PLEKHG1: variants seen among roughly 807,000 people sequenced by gnomAD.
PLEKHG1 encodes the protein pleckstrin homology and RhoGEF domain containing G1, also known as pleckstrin homology domain-containing family G member 1.
A neutral mutation model predicts 100.8 loss-of-function variants in PLEKHG1; 44 were observed. That is an observed-to-expected ratio of 0.44 (90% confidence interval 0.34 to 0.56). PLEKHG1 has a LOEUF of 0.56. Ranked by LOEUF, PLEKHG1 falls within the 20% of genes least tolerant of loss-of-function variation. The pLI, the probability that PLEKHG1 is intolerant of heterozygous loss-of-function variation, is 0.01. For missense variants in PLEKHG1, 1,545 were observed against 1,720.9 expected (o/e 0.90, Z 1.81); for synonymous variants, 640 against 662.5 (o/e 0.97, Z 0.52).
At chr6:150,716,047 G>T (rs1781421918) in intron 3 of PLEKHG1, among the ~76,000 whole-genome samples, 2 of 148,778 alleles carry the variant, frequency 1.3e-5, no homozygotes, top group Admixed American at 1.3e-4. Flanking sequence ...GGCGGAGCTT[G>T]CAGTGAGCCG....
intron 3 of PLEKHG1, among the ~76,000 whole-genome samples, chr6:150,773,110 AT>A (rs975622480): frequency 2.6e-5 from 4 of 151,840 alleles, no homozygotes; most frequent in African/African-American, 7.3e-5. Context: ...AATATACTCT[AT>A]TTTTTTCTAA....
intron 2 of PLEKHG1, among the ~76,000 whole-genome samples, chr6:150,740,423 A>T (rs1172821076): frequency 6.6e-6 from 1 of 152,206 alleles, no homozygotes; most frequent in Non-Finnish European, 1.5e-5. Context: ...CAGGTTTTGC[A>T]CCAAGAAAGA....
intron 2 of PLEKHG1, among the ~76,000 whole-genome samples, chr6:150,646,667 C>T (rs1216658066): frequency 6.6e-6 from 1 of 152,090 alleles, no homozygotes; most frequent in Non-Finnish European, 1.5e-5. Flanking sequence ...TGTAGAGTCA[C>T]AGGTTACCTA....
intron 14 of PLEKHG1, among the ~76,000 whole-genome samples, chr6:150,824,037 C>T (rs1193969672): frequency 6.6e-6 from 1 of 152,228 alleles, no homozygotes; most frequent in Admixed American, 6.5e-5. Flanking sequence ...ACCAATGCCC[C>T]TGCCTCCTGG....
chr6:150,736,694 G>A (rs1782579197), intron 2 of PLEKHG1, among the ~76,000 whole-genome samples: 1 of 152,102 alleles, frequency 6.6e-6, no homozygotes, highest in Non-Finnish European at 1.5e-5. Context: ...GCTTGAACCT[G>A]GGAGGCGAAG....
intron 1 of PLEKHG1, among the ~76,000 whole-genome samples, chr6:150,620,050 C>T (rs560802411): frequency 2.6e-5 from 4 of 152,254 alleles, no homozygotes; most frequent in African/African-American, 9.6e-5. Flanking sequence ...TATGTATTAT[C>T]GTTTATTTGG....
exon 16 of PLEKHG1, chr6:150,840,449 C>A (rs751442256): frequency 6.2e-7 from 1 of 1,614,172 alleles, no homozygotes; most frequent in East Asian, 2.2e-5. Flanking sequence ...CTGAAAAACT[C>A]TCAGATCTCA....
At chr6:150,801,844 G>T (rs1786734602) in intron 6 of PLEKHG1, among the ~76,000 whole-genome samples, 1 of 145,572 alleles carries the variant, frequency 6.9e-6, no homozygotes, top group African/African-American at 2.8e-5. Flanking sequence ...TACTTTTGTA[G>T]CAGGAGAAAG....
intron 3 of PLEKHG1, among the ~76,000 whole-genome samples, chr6:150,704,858 G>A (rs937942429): frequency 1.3e-5 from 2 of 152,234 alleles, no homozygotes; most frequent in Non-Finnish European, 2.9e-5. Flanking sequence ...CTGGCTTACA[G>A]ACGGCTGCCT....
intron 1 of PLEKHG1, among the ~76,000 whole-genome samples, chr6:150,602,632 C>T (rs1235222082): frequency 2.6e-5 from 4 of 152,214 alleles, no homozygotes; most frequent in Non-Finnish European, 2.9e-5. Context: ...TGAAATGATT[C>T]GTATCAGTGT....
In PLEKHG1 at chr6:150,804,385, C is replaced by T. The variant is rs147144495; in HGVS notation, c.781-225C>T. Among the ~76,000 whole-genome samples the T allele has an allele frequency of 3.7e-3, 551 of 149,988 alleles. 7 individuals carry two copies. The highest frequency in any genetic ancestry group is 0.013 in the African/African-American group (536 of 40,886). ...ATTTTTAGGAGAGACAGGGTTTCAC[C>T]ATGTTGGCCAGACTGGTCTCGAACT... On this transcript the variant is annotated intron_variant, in intron 6 of 15. Coordinates refer to ENST00000358517, the Ensembl canonical transcript of PLEKHG1.
intron 15 of PLEKHG1, among the ~76,000 whole-genome samples, chr6:150,839,009 AGCCAGGAG>A (rs1274488558): frequency 2.6e-5 from 4 of 152,248 alleles, no homozygotes; most frequent in African/African-American, 9.6e-5. Context: ...GCGCAGCAAC[AGCCAGGAG>A]CTGACTCCTC....
intron 3 of PLEKHG1, chr6:150,651,797 T>TG (rs1297811813): frequency 3.3e-5 from 5 of 152,076 alleles, no homozygotes; most frequent in Non-Finnish European, 7.4e-5. Context: ...CGGCAGACGT[T>TG]GCAGTGAGCG....
intron 3 of PLEKHG1, among the ~76,000 whole-genome samples, chr6:150,712,504 C>T (rs1781276503): frequency 6.6e-6 from 1 of 152,184 alleles, no homozygotes; most frequent in Admixed American, 6.5e-5. Flanking sequence ...CTTCCTCTTC[C>T]TTTTTCTCTT....
chr6:150,655,948 G>A (rs1379032244), intron 3 of PLEKHG1, among the ~76,000 whole-genome samples: 4 of 152,040 alleles, frequency 2.6e-5, no homozygotes, highest in African/African-American at 9.7e-5. Flanking sequence ...GGCCTGTGGG[G>A]GGTTGGGGGG....
chr6:150,726,362 A>G (rs1781962930), intron 1 of PLEKHG1, among the ~76,000 whole-genome samples: 4 of 152,220 alleles, frequency 2.6e-5, no homozygotes, highest in Admixed American at 2.6e-4. Flanking sequence ...ATAGTTTCAC[A>G]TGTATACTTA....
intron 4 of PLEKHG1, among the ~76,000 whole-genome samples, chr6:150,793,434 C>T (rs1442618146): frequency 6.6e-6 from 1 of 152,144 alleles, no homozygotes; most frequent in Non-Finnish European, 1.5e-5. Context: ...ATTTATTCTG[C>T]CTTTCCCATA....
chr6:150,832,390 T>C (rs1045517933), intron 15 of PLEKHG1, among the ~76,000 whole-genome samples, 185 bp downstream of exon 16: 1 of 152,202 alleles, frequency 6.6e-6, no homozygotes, highest in East Asian at 1.9e-4. Flanking sequence ...ATTATCCACA[T>C]TGTAGCATGA....
chr6:150,732,797 G>A (rs1185818466), intron 1 of PLEKHG1, among the ~76,000 whole-genome samples: 1 of 152,144 alleles, frequency 6.6e-6, no homozygotes, highest in Non-Finnish European at 1.5e-5. Flanking sequence ...ATGTTGGCCA[G>A]GCTTGTCTCA....
Sources: allele counts gnomAD v4.1 joint callset (sites outside exome capture counted in the v4.1 genomes callset), GRCh38; gene constraint gnomAD v4.1.1; transcripts MANE v1.5; gene names NCBI Gene and HGNC (gene_info 2026-07-23, HGNC 2026-07-21).